FAT1: variants seen among roughly 807,000 people sequenced by gnomAD.
The protein encoded by FAT1 is protocadherin Fat 1.
FAT1 carries 171 observed loss-of-function variants against 329.8 expected under a neutral mutation model. That is an observed-to-expected ratio of 0.52 (90% CI 0.46 to 0.59). The LOEUF is 0.59. Among genes scored for constraint, FAT1 ranks in the 20% least tolerant of loss-of-function variants. The probability of loss-of-function intolerance (pLI) is 0.00; values close to 1 mark genes in which losing one functional copy is unlikely to be tolerated. For missense variants in FAT1, 5,672 were observed against 5,774.4 expected, an observed-to-expected ratio of 0.98 and a Z score of 0.57; for synonymous variants, 2,233 against 2,228.6, an observed-to-expected ratio of 1.00 and a Z score of -0.06.
chr4:186,629,620 C>A (rs1401343335), intron 7 of FAT1, among the ~76,000 whole-genome samples: 1 of 152,218 alleles, frequency 6.6e-6, no homozygotes, highest in Non-Finnish European at 1.5e-5. Context: ...ACAAAGGGAT[C>A]TGCTGGTCCA....
At chr4:186,691,873 C>G (rs962632926) in intron 2 of FAT1, among the ~76,000 whole-genome samples, 4 of 152,170 alleles carry the variant, frequency 2.6e-5, no homozygotes, top group South Asian at 4.2e-4. Context: ...TTAATGATCA[C>G]TGAACCTTTC....
At chr4:186,648,397 T>C (rs146716962) in intron 3 of FAT1, among the ~76,000 whole-genome samples, 1 of 152,152 alleles carries the variant, frequency 6.6e-6, no homozygotes, top group Non-Finnish European at 1.5e-5. Flanking sequence ...TTATATACAC[T>C]AATATATGGC....
Position 186,595,686 on chromosome 4 carries a change from C to T in FAT1, c.13138+3G>A, listed in dbSNP as rs371207320. 2.5e-5 allele frequency: 40 copies of T among 1,613,868 alleles called. No individual in the cohort carries two copies. Among genetic ancestry groups the T allele is most frequent in the Non-Finnish European group, 3.3e-5 (39 of 1,179,856 alleles). ...GCAGTGTTGCAGCACACTGCTGCCT[C>T]ACCATTGTCATCGCACGATTCGGAC... On this transcript the variant is annotated splice_donor_region_variant and intron_variant, in intron 26 of 26. Transcript: ENST00000441802.
Position 186,708,769 on chromosome 4 carries a change from A to G in FAT1, c.1059T>C (p.Ile353=), listed in dbSNP as rs569015247. Residue 353 remains isoleucine, a synonymous_variant, in exon 2 of 27, where the codon ATT becomes ATC. Transcript: ENST00000441802. ...CTTTGAACTGTGGAGAAGTCACGTG[A>G]ATGACTTTAACAGAAGAGAACTGGG... is the stretch of plus-strand genomic sequence containing the variant. ...TPPQFSSVKV[I]HVTSPQFKAG... 6.2e-7 allele frequency: 1 copy of G among 1,613,982 alleles called. No homozygotes were observed. Among genetic ancestry groups the G allele is most frequent in the South Asian group, 1.1e-5 (1 of 91,078 alleles).
chr4:186,675,720 T>C (rs749106424), intron 2 of FAT1, among the ~76,000 whole-genome samples: 13 of 150,828 alleles, frequency 8.6e-5, no homozygotes, highest in Admixed American at 6.6e-5. Context: ...CCAGCCCAGG[T>C]GACAGAGTGA....
At chr4:186,654,698 T>C (rs1289518494) in intron 3 of FAT1, among the ~76,000 whole-genome samples, 1 of 151,994 alleles carries the variant, frequency 6.6e-6, no homozygotes. Flanking sequence ...TTGTTTGAGA[T>C]CAGAAGTTGG....
In FAT1 at chr4:186,707,971, G is replaced by C. The variant is rs775388847; in HGVS notation, c.1857C>G (p.Pro619=). 1 of 1,613,862 alleles carries C rather than the reference G, an allele frequency of 6.2e-7. No individual in the cohort carries two copies. The highest frequency in any genetic ancestry group is 8.5e-7 in the Non-Finnish European group (1 of 1,179,872). The change falls in exon 2 of 27, where the codon CCC becomes CCG. Residue 619 remains proline, a synonymous_variant. Transcript: ENST00000441802. ...GCTTTAATGACAATACCCCCGAGTT[G>C]GGGTTTAAACTAAAGAAATCCAGTT... ...GNELDFFSLN[P]NSGVLSLKRS...
chr4:186,653,071 AT>A (rs1477838872), intron 3 of FAT1, among the ~76,000 whole-genome samples: 1 of 152,198 alleles, frequency 6.6e-6, no homozygotes. Flanking sequence ...TAAAAAGCAT[AT>A]GAAATGGAAA....
chr4:186,590,736 C>A, intron 26 of FAT1: 1 of 450,628 alleles, frequency 2.2e-6, no homozygotes, highest in South Asian at 1.6e-5. Flanking sequence ...GAAAACAAAA[C>A]AAACAGGCTC....
At chr4:186,721,817 G>C (rs1239763519) in intron 1 of FAT1, among the ~76,000 whole-genome samples, 1 of 152,170 alleles carries the variant, frequency 6.6e-6, no homozygotes, top group Non-Finnish European at 1.5e-5. Flanking sequence ...AATGAAAACA[G>C]AATTAGTTTG....
chr4:186,696,842 A>G (rs73015641), intron 2 of FAT1, among the ~76,000 whole-genome samples: 49,309 of 151,958 alleles, frequency 0.32, 9,987 homozygotes, highest in African/African-American at 0.57. Context: ...TGGCCAACAC[A>G]GCAAAAACTC....
chr4:186,588,417 G>T lies in FAT1; in HGVS notation c.*175C>A, dbSNP rs1230763799. ...GCACAGCCGATGAAAACCTCACGAT[G>T]ACAGTAGTTGGGACACTGGAAATGG... On this transcript the variant is annotated 3_prime_UTR_variant, in exon 27 of 27. Coordinates refer to ENST00000441802, the MANE Select transcript of FAT1 (RefSeq NM_005245.4). 2 of 675,444 alleles carry T rather than the reference G, an allele frequency of 3.0e-6. No individual in the cohort carries two copies. Among genetic ancestry groups the T allele is most frequent in the Non-Finnish European group, 4.8e-6 (2 of 419,224 alleles). 41.8% of individuals were successfully genotyped at this position (675,444 alleles called of 1,614,324 possible). A position where few individuals can be genotyped will look rare whatever the true frequency, so the allele number is the denominator to read the frequency against.
Position 186,653,048 on chromosome 4 carries a change from T to C in FAT1, c.3580+10251A>G, listed in dbSNP as rs1447752277. 2.0e-5 allele frequency among the ~76,000 whole-genome samples: 3 copies of C among 152,184 alleles called. No individual in the cohort carries two copies. In the East Asian group the frequency reaches 5.8e-4, roughly 29 times the overall value. On this transcript the variant is annotated intron_variant, in intron 3 of 26. Transcript: ENST00000441802. ...AGCGAATAAAAAACAGAACACTGTA[T>C]AACGCCGTCCTCTAAAAAGCATATG...
intron 14 of FAT1, 84 bp downstream of exon 14, chr4:186,611,302 C>T: frequency 8.0e-7 from 1 of 1,249,756 alleles, no homozygotes; most frequent in Non-Finnish European, 1.1e-6. Flanking sequence ...AACACAGGGT[C>T]ACTTAATACA....
chr4:186,609,424 GTT>G, intron 15 of FAT1, 104 bp from the exon 16 acceptor site: 1 of 1,182,506 alleles, frequency 8.5e-7, no homozygotes, highest in East Asian at 2.9e-5. Flanking sequence ...TTTTGTTGTT[GTT>G]TTTTTTTTGA....
intron 3 of FAT1, among the ~76,000 whole-genome samples, chr4:186,656,240 G>A (rs1336795292): frequency 6.6e-6 from 1 of 152,204 alleles, no homozygotes. Flanking sequence ...ATGGTGGTGT[G>A]GAGTGGGACT....
Position 186,708,068 on chromosome 4 carries a change from T to C in FAT1, c.1760A>G (p.Gln587Arg), listed in dbSNP as rs1179138568. 2 of 1,613,896 alleles carry C rather than the reference T, an allele frequency of 1.2e-6. No individual in the cohort carries two copies. Among genetic ancestry groups the C allele is most frequent in the East Asian group, 2.2e-5 (1 of 44,896 alleles). ...TIPRDLGVGE[Q>R]ITTVSAIDAD... ...ATCAATAGCAGAAACAGTGGTTATT[T>C]GCTCTCCCACGCCTAGATCTCTGGG... Residue 587 changes from glutamine to arginine, a missense_variant, in exon 2 of 27, where the codon CAA becomes CGA. Transcript: ENST00000441802.
chr4:186,669,406 GGTTGAGACAC>G (rs1742631724), intron 2 of FAT1, among the ~76,000 whole-genome samples: 1 of 152,222 alleles, frequency 6.6e-6, no homozygotes, highest in African/African-American at 2.4e-5. Flanking sequence ...ACAGGAGACA[GGTTGAGACAC>G]GCTTGTTACG....
intron 3 of FAT1, among the ~76,000 whole-genome samples, chr4:186,648,611 G>A (rs1741487569): frequency 6.6e-6 from 1 of 152,104 alleles, no homozygotes; most frequent in South Asian, 2.1e-4. Flanking sequence ...TAAAACATGA[G>A]GAAATGAGGT....
Sources: allele counts gnomAD v4.1 joint callset (sites outside exome capture counted in the v4.1 genomes callset), GRCh38; gene constraint gnomAD v4.1.1; transcripts MANE v1.5; gene names NCBI Gene and HGNC (gene_info 2026-07-23, HGNC 2026-07-21).